DMD: variants seen among roughly 807,000 people sequenced by gnomAD.
DMD encodes mutant dystrophin.
In DMD, 63 loss-of-function variants were observed where a neutral mutation model predicts 330.1. The observed-to-expected ratio is 0.19, with a 90% CI of 0.16 to 0.24. The LOEUF (loss-of-function observed/expected upper bound fraction) is 0.24, where lower values mean the gene tolerates loss of function less well. DMD is among the 10% of genes least tolerant of loss of function. DMD has a pLI of 1.00. For missense variants in DMD, 3,344 were observed against 2,684.1 expected, an observed-to-expected ratio of 1.25 and a Z score of -5.43; for synonymous variants, 1,223 against 959.8, an observed-to-expected ratio of 1.27 and a Z score of -5.07.
chrX:31,835,685 AAAAC>A (rs750569267), intron 49 of DMD, among the ~76,000 whole-genome samples: 18 of 111,882 alleles, frequency 1.6e-4, no homozygotes. Context: ...AGCTGTAAGG[AAAAC>A]AAACAATCTT....
intron 41 of DMD, among the ~76,000 whole-genome samples, chrX:32,335,150 G>T (rs2097699186): frequency 9.1e-6 from 1 of 110,197 alleles, no homozygotes; most frequent in Non-Finnish European, 1.9e-5. Flanking sequence ...AAAAGTTAGT[G>T]GAAAAATATT....
At chrX:33,305,037 T>C (rs2053734025) in intron 1 of DMD, among the ~76,000 whole-genome samples, 1 of 109,585 alleles carries the variant, frequency 9.1e-6, no homozygotes, top group African/African-American at 3.3e-5. Flanking sequence ...GAACTAGAAA[T>C]ACCATTTGAC....
At chrX:31,350,759 G>A (rs903883012) in intron 60 of DMD, among the ~76,000 whole-genome samples, 3 of 110,430 alleles carry the variant, frequency 2.7e-5, no homozygotes, top group Admixed American at 9.7e-5. Context: ...CAAGTTGACT[G>A]GACTATGGGG....
At chrX:32,256,312 G>GT (rs34367828) in intron 43 of DMD, among the ~76,000 whole-genome samples, 27,639 of 102,250 alleles carry the variant, frequency 0.27, 3,147 homozygotes, top group African/African-American at 0.32. Context: ...TGTAACCCCT[G>GT]TTTTTTTTTT....
intron 74 of DMD, among the ~76,000 whole-genome samples, chrX:31,154,529 C>T (rs970903672): frequency 1.8e-5 from 2 of 109,372 alleles, no homozygotes; most frequent in East Asian, 2.9e-4. Context: ...CTCCTGACCT[C>T]GTGATCCGCC....
chrX:31,647,735 T>C (rs2080187354), intron 54 of DMD, among the ~76,000 whole-genome samples: 1 of 112,333 alleles, frequency 8.9e-6, no homozygotes, highest in African/African-American at 3.2e-5. Context: ...GGTGATTGAA[T>C]TTGGTTCACC....
intron 7 of DMD, among the ~76,000 whole-genome samples, chrX:32,724,001 T>A (rs762506937): frequency 8.9e-6 from 1 of 111,892 alleles, no homozygotes; most frequent in African/African-American, 3.2e-5. Context: ...CAAGGTTGCC[T>A]TAAGTACATC....
At chrX:32,372,573 A>G (rs1358990983) in intron 34 of DMD, among the ~76,000 whole-genome samples, 1 of 111,678 alleles carries the variant, frequency 9.0e-6, no homozygotes, top group African/African-American at 3.2e-5. Context: ...TTATGGGGTG[A>G]TAAATATCAC....
At chrX:31,961,649 T>C (rs775390102) in intron 45 of DMD, among the ~76,000 whole-genome samples, 12 of 110,277 alleles carry the variant, frequency 1.1e-4, no homozygotes, top group African/African-American at 4.0e-4. Flanking sequence ...TCACAATTCA[T>C]TGAGGTAATA....
chrX:32,815,494 C>CAT (rs1557051738), intron 6 of DMD, among the ~76,000 whole-genome samples: 13,985 of 71,628 alleles, frequency 0.2, 1,328 homozygotes, highest in East Asian at 0.44. Flanking sequence ...CACACACAAG[C>CAT]ATATATATAT....
At chrX:32,782,903 A>G (rs1020332459) in intron 7 of DMD, among the ~76,000 whole-genome samples, 1 of 105,875 alleles carries the variant, frequency 9.4e-6, no homozygotes, top group Non-Finnish European at 1.9e-5. Context: ...ATACACATAT[A>G]TATCATATAT....
intron 1 of DMD, among the ~76,000 whole-genome samples, chrX:33,108,128 G>A (rs181762755): frequency 1.7e-4 from 18 of 106,127 alleles, no homozygotes; most frequent in Non-Finnish European, 3.3e-4. Context: ...GAAATACGTA[G>A]AACAAATAAC....
chrX:32,403,046 C>T (rs1350045114), intron 30 of DMD, among the ~76,000 whole-genome samples: 2 of 111,365 alleles, frequency 1.8e-5, no homozygotes, highest in Non-Finnish European at 3.8e-5. Context: ...CTGGGTGGCC[C>T]ACGGTCTTAC....
At position 32,479,848 on chromosome X, in the gene DMD, G is replaced by C. The variant is rs772605352; in HGVS notation, c.2803+5071C>G. On this transcript the variant is annotated intron_variant, in intron 21 of 78. Transcript: ENST00000357033. ...ACATTTAGGTTGTTTCCGTATCTTGGCTGTTATGAATAATGCTCAAATGGA... is the reference window on the plus strand; with the variant it reads ...ACATTTAGGTTGTTTCCGTATCTTGCCTGTTATGAATAATGCTCAAATGGA... Among the ~76,000 whole-genome samples, 21 of 108,544 alleles carry C rather than the reference G, an allele frequency of 1.9e-4. 1 individual carries two copies. The highest frequency in any genetic ancestry group is 2.7e-4 in the Non-Finnish European group (14 of 52,456). 94.3% of individuals were successfully genotyped at this position (108,544 alleles called of 115,157 possible).
chrX:32,171,323 G>T (rs1323107014), intron 44 of DMD, among the ~76,000 whole-genome samples: 1 of 111,690 alleles, frequency 9.0e-6, no homozygotes, highest in Non-Finnish European at 1.9e-5. Flanking sequence ...TTTTAGAGAG[G>T]AGAAATATAC....
chrX:31,126,122 C>G (rs766991309), intron 78 of DMD, among the ~76,000 whole-genome samples: 1 of 111,784 alleles, frequency 8.9e-6, no homozygotes, highest in South Asian at 3.7e-4. Flanking sequence ...GAGAACAATG[C>G]TTGGCACACA....
At chrX:33,051,093 CCTTTAAATATTTAACTG>C (rs2094450198) in intron 1 of DMD, among the ~76,000 whole-genome samples, 1 of 111,858 alleles carries the variant, frequency 8.9e-6, no homozygotes, top group African/African-American at 3.2e-5. Context: ...AGTAACGTAC[CCTTTAAATATTTAACTG>C]CTCACTAATG....
intron 71 of DMD, among the ~76,000 whole-genome samples, chrX:31,175,932 C>A (rs1324466124): frequency 9.0e-6 from 1 of 111,186 alleles, no homozygotes; most frequent in Non-Finnish European, 1.9e-5. Flanking sequence ...CAAACACAAG[C>A]AAATAAGAGT....
intron 50 of DMD, among the ~76,000 whole-genome samples, chrX:31,798,019 G>T (rs909234426): frequency 8.1e-5 from 9 of 111,738 alleles, no homozygotes; most frequent in African/African-American, 2.9e-4. Flanking sequence ...CAATATTTTT[G>T]CTTTTCTTTT....
Sources: gnomAD v4.1 joint callset for allele counts (sites outside exome capture counted in the v4.1 genomes callset) on GRCh38, gnomAD v4.1.1 for gene constraint, MANE v1.5 for transcripts, NCBI Gene and HGNC (gene_info 2026-07-23, HGNC 2026-07-21) for gene names.